The following MEP1A variants were observed in gnomAD, a reference collection of about 807,000 sequenced individuals.
MEP1A encodes the protein N-benzoyl-L-tyrosyl-P-amino-benzoic acid hydrolase subunit alpha.
Under a neutral mutation model 84.5 loss-of-function variants are expected in MEP1A, and 68 were observed. The observed-to-expected ratio is 0.80, with a 90% CI of 0.66 to 0.98. The LOEUF is 0.98. Ranked by LOEUF, MEP1A falls within the 50% of genes least tolerant of loss-of-function variation. The pLI is 0.00. For synonymous variants in MEP1A, 337 were observed against 336.8 expected (o/e 1.00, Z -0.01); for missense variants, 887 against 919.9 (o/e 0.96, Z 0.46).
chr6:46,833,964 G>C (rs1045913242), intron 11 of MEP1A, among the ~76,000 whole-genome samples: 3 of 150,248 alleles, frequency 2.0e-5, no homozygotes, highest in Admixed American at 6.8e-5. Context: ...CATCAGTAAA[G>C]AAATGGGCAA....
intron 3 of MEP1A, 74 bp downstream of exon 3, chr6:46,793,790 C>T: frequency 9.6e-7 from 1 of 1,038,460 alleles, no homozygotes; most frequent in Non-Finnish European, 1.5e-6. Flanking sequence ...GAACACTTTC[C>T]TTCCTAATAC....
intron 13 of MEP1A, 129 bp downstream of exon 13, chr6:46,835,678 T>C: frequency 2.0e-6 from 2 of 989,534 alleles, no homozygotes; most frequent in Non-Finnish European, 3.0e-6. Context: ...AATGCGGTTT[T>C]CTTTGACTCT....
At chr6:46,806,718 C>G (rs749018715) in intron 5 of MEP1A, among the ~76,000 whole-genome samples, 1 of 152,014 alleles carries the variant, frequency 6.6e-6, no homozygotes, top group Non-Finnish European at 1.5e-5. Flanking sequence ...CTTCATCTAC[C>G]ATGACTTTCC....
At chr6:46,829,326 AC>A (rs767608560) in intron 9 of MEP1A, 29 bp from the exon 10 acceptor site, 13 of 1,594,786 alleles carry the variant, frequency 8.2e-6, no homozygotes. Flanking sequence ...GGGAAGCCAG[AC>A]GTGTGATGTT....
chr6:46,818,687 G>A lies in MEP1A; in HGVS notation c.381-842G>A, dbSNP rs184589832. ...CTTGCCTGATACCCTTCAGAAATAA[G>A]TTAGGCAGCCTTCTCTGTGCTGTCA... On this transcript the variant is annotated intron_variant, in intron 6 of 13. Transcript: ENST00000230588. Among the ~76,000 whole-genome samples, 338 of 152,292 alleles carry A rather than the reference G, an allele frequency of 2.2e-3. 1 individual carries two copies. Among genetic ancestry groups the A allele is most frequent in the Non-Finnish European group, 3.8e-3 (260 of 68,024 alleles).
intron 3 of MEP1A, among the ~76,000 whole-genome samples, chr6:46,795,239 C>T (rs113120568): frequency 4.7e-4 from 71 of 152,296 alleles, no homozygotes; most frequent in African/African-American, 1.7e-3. Context: ...TCTCTCACAC[C>T]TGACACACAA....
chr6:46,824,871 GATC>G (rs1767882899), intron 7 of MEP1A, among the ~76,000 whole-genome samples: 2 of 83,294 alleles, frequency 2.4e-5, no homozygotes, highest in African/African-American at 6.0e-5. Flanking sequence ...TATTTAAATA[GATC>G]TATTTAAATA....
chr6:46,797,625 A>T (rs2150738911), intron 3 of MEP1A, among the ~76,000 whole-genome samples: 1 of 152,244 alleles, frequency 6.6e-6, no homozygotes, highest in South Asian at 2.1e-4. Flanking sequence ...CTTTGGGACA[A>T]GAGGCAGAAT....
chr6:46,829,480 G>T lies in MEP1A; in HGVS notation c.1053G>T (p.Thr351=). The T allele has an allele frequency of 1.9e-6, 3 of 1,614,154 alleles. No homozygotes were observed. Among genetic ancestry groups the T allele is most frequent in the East Asian group, 2.2e-5 (1 of 44,872 alleles). The stretch of plus-strand genomic sequence containing the variant: ...GCCTGCAATTTTTCTATAAAATGAC[G>T]GGAAGTCCTTCAGACAGACTCGTTG... ...QQCLQFFYKM[T]GSPSDRLVVW... The change falls in exon 10 of 14, where the codon ACG becomes ACT. Residue 351 remains threonine, a synonymous_variant. Coordinates refer to ENST00000230588, the MANE Select transcript of MEP1A (RefSeq NM_005588.3).
chr6:46,845,088 G>T, the MEP1A span, among the ~76,000 whole-genome samples: 1 of 152,212 alleles, frequency 6.6e-6, no homozygotes, highest in East Asian at 1.9e-4. Context: ...TTGCAGAACT[G>T]CTAGTCAATT....
chr6:46,797,838 C>CTTTCTTTCTT (rs1362068516), intron 3 of MEP1A, among the ~76,000 whole-genome samples: 1 of 144,238 alleles, frequency 6.9e-6, no homozygotes, highest in Non-Finnish European at 1.5e-5. Context: ...TTCTTTCTTT[C>CTTTCTTTCTT]TCTCTCTCTT....
chr6:46,825,484 T>C lies in MEP1A; in HGVS notation c.769T>C (p.Tyr257His). The change falls in exon 8 of 14, where the codon TAC (tyrosine) becomes CAC (histidine). Residue 257 changes from tyrosine to histidine, a missense_variant. Transcript: ENST00000230588. The part of the protein sequence containing the change: ...AIDLERLNRM[Y>H]NCTTTHTLLD... ...TGATTTAGAGAGGCTGAACCGAATGTACAATTGCAGTGAGTATCTCAGTTT... is the reference window on the plus strand; with the variant it reads ...TGATTTAGAGAGGCTGAACCGAATGCACAATTGCAGTGAGTATCTCAGTTT... 1 of 1,609,022 alleles carries C rather than the reference T, an allele frequency of 6.2e-7. No individual in the cohort carries two copies. The highest frequency in any genetic ancestry group is 1.3e-5 in the African/African-American group (1 of 74,922).
At chr6:46,827,944 G>A (rs1767984219) in intron 9 of MEP1A, among the ~76,000 whole-genome samples, 1 of 152,228 alleles carries the variant, frequency 6.6e-6, no homozygotes, top group Admixed American at 6.5e-5. Flanking sequence ...GTTAACTTGA[G>A]CAGCTATTAT....
downstream of MEP1A, among the ~76,000 whole-genome samples, chr6:46,841,150 C>A (rs1768325000): frequency 6.6e-6 from 1 of 152,154 alleles, no homozygotes; most frequent in Admixed American, 6.5e-5. Context: ...TCAAAGATAA[C>A]CTAGTATTTT....
chr6:46,819,500 A>G, intron 6 of MEP1A, 29 bp from the exon 7 acceptor site: 4 of 1,554,814 alleles, frequency 2.6e-6, no homozygotes, highest in Non-Finnish European at 3.5e-6. Context: ...ATTCTCTAGA[A>G]GAAATTTTTC....
chr6:46,797,816 T>TCTC (rs1767084881), intron 3 of MEP1A, among the ~76,000 whole-genome samples: 1 of 144,950 alleles, frequency 6.9e-6, no homozygotes. Flanking sequence ...CTTTCTTTCT[T>TCTC]TCTTTCTTTC....
At chr6:46,807,287 T>A (rs984658181) in intron 5 of MEP1A, among the ~76,000 whole-genome samples, 2 of 151,876 alleles carry the variant, frequency 1.3e-5, no homozygotes, top group South Asian at 4.1e-4. Context: ...CAACTTACTA[T>A]GTCAGGGCAG....
chr6:46,835,995 C>A (rs571728564), intron 13 of MEP1A, among the ~76,000 whole-genome samples: 1 of 152,226 alleles, frequency 6.6e-6, no homozygotes, highest in East Asian at 1.9e-4. Context: ...GTTATATTTT[C>A]AATAATAGTA....
chr6:46,825,058 G>GATCTATTTAAATATATATAAATTATA (rs1767900956), intron 7 of MEP1A, among the ~76,000 whole-genome samples: 1 of 21,898 alleles, frequency 4.6e-5, no homozygotes, highest in Non-Finnish European at 8.5e-5. Context: ...TATAAATTAT[G>GATCTATTTAAATATATATAAATTATA]TATTTAAATA....
Sources: allele counts gnomAD v4.1 joint callset (sites outside exome capture counted in the v4.1 genomes callset), GRCh38; gene constraint gnomAD v4.1.1; transcripts MANE v1.5; gene names NCBI Gene and HGNC (gene_info 2026-07-23, HGNC 2026-07-21).